MYO1D: variants seen among roughly 807,000 people sequenced by gnomAD.
The protein encoded by MYO1D is myosin ID, also known as unconventional myosin-Id.
In MYO1D, 83 loss-of-function variants were observed where a neutral mutation model predicts 122.0. That is an observed-to-expected ratio of 0.68 (90% CI 0.57 to 0.82). The LOEUF (loss-of-function observed/expected upper bound fraction) is 0.82, where lower values mean the gene tolerates loss of function less well. Among genes scored for constraint, MYO1D ranks in the 40% least tolerant of loss-of-function variants. MYO1D has a pLI of 0.00. For missense variants in MYO1D, 1,157 were observed against 1,269.5 expected (o/e 0.91, Z 1.35); for synonymous variants, 464 against 446.9 (o/e 1.04, Z -0.48).
intron 21 of MYO1D, among the ~76,000 whole-genome samples, chr17:32,513,816 T>C (rs1909784766): frequency 6.6e-6 from 1 of 151,904 alleles, no homozygotes; most frequent in Non-Finnish European, 1.5e-5. Context: ...CCCAAACGCC[T>C]TAAGATTTCT....
At chr17:32,731,757 G>T (rs1035026016) in intron 14 of MYO1D, among the ~76,000 whole-genome samples, 4 of 152,208 alleles carry the variant, frequency 2.6e-5, no homozygotes, top group Non-Finnish European at 5.9e-5. Flanking sequence ...CTTCCTGGGT[G>T]CAGCTGTGGC....
intron 15 of MYO1D, among the ~76,000 whole-genome samples, chr17:32,713,188 A>G (rs1047449693): frequency 6.6e-6 from 1 of 152,258 alleles, no homozygotes; most frequent in East Asian, 1.9e-4. Flanking sequence ...CATTTTTCAC[A>G]TTTAGATTTC....
chr17:32,551,293 G>GT (rs1170262477), intron 21 of MYO1D, among the ~76,000 whole-genome samples: 4 of 152,144 alleles, frequency 2.6e-5, no homozygotes, highest in Non-Finnish European at 4.4e-5. Context: ...CTGTTTGGAT[G>GT]TAACAGCCAG....
At chr17:32,665,067 C>T (rs1192946573) in intron 16 of MYO1D, among the ~76,000 whole-genome samples, 1 of 152,130 alleles carries the variant, frequency 6.6e-6, no homozygotes, top group Non-Finnish European at 1.5e-5. Context: ...CTAGTTGCTC[C>T]CTCTGCCTGG....
intron 21 of MYO1D, chr17:32,529,210 GTACTTC>G (rs1910437893): frequency 6.6e-6 from 1 of 152,244 alleles, no homozygotes; most frequent in Non-Finnish European, 1.5e-5. Context: ...TAACTAGCTT[GTACTTC>G]AACAGGGAGC....
intron 13 of MYO1D, among the ~76,000 whole-genome samples, chr17:32,738,940 A>G (rs905085860): frequency 2.6e-5 from 4 of 152,212 alleles, no homozygotes; most frequent in Non-Finnish European, 5.9e-5. Context: ...TGCAGTTCAA[A>G]TTGTGAACAA....
chr17:32,600,381 C>A (rs1208645001), intron 21 of MYO1D, among the ~76,000 whole-genome samples: 2 of 152,298 alleles, frequency 1.3e-5, no homozygotes, highest in Admixed American at 1.3e-4. Context: ...TAGGCATTGA[C>A]CTTCTCCTCT....
intron 20 of MYO1D, among the ~76,000 whole-genome samples, chr17:32,609,681 T>C (rs1354085592): frequency 1.3e-5 from 2 of 152,116 alleles, no homozygotes; most frequent in African/African-American, 4.8e-5. Context: ...AGAATATTTA[T>C]ATATTCTATA....
intron 17 of MYO1D, chr17:32,658,683 T>C (rs2150953151): frequency 6.1e-6 from 1 of 163,794 alleles, no homozygotes; most frequent in East Asian, 1.7e-4. Context: ...CAGGACTCTC[T>C]GGTGGTAGGA....
intron 20 of MYO1D, among the ~76,000 whole-genome samples, chr17:32,607,711 T>G (rs1392100938): frequency 6.6e-6 from 1 of 152,128 alleles, no homozygotes; most frequent in African/African-American, 2.4e-5. Context: ...CCATAACAGT[T>G]TTGTAAATGA....
At chr17:32,701,013 A>G (rs1368816822) in intron 16 of MYO1D, among the ~76,000 whole-genome samples, 5 of 151,894 alleles carry the variant, frequency 3.3e-5, no homozygotes, top group Non-Finnish European at 5.9e-5. Flanking sequence ...TGAGGAAAAA[A>G]TAATACAATA....
intron 20 of MYO1D, among the ~76,000 whole-genome samples, chr17:32,608,004 C>T (rs545899370): frequency 3.3e-5 from 5 of 152,072 alleles, no homozygotes; most frequent in South Asian, 2.1e-4. Context: ...ACTATAAGAT[C>T]GAAATGCAAA....
At chr17:32,673,798 G>T (rs2032753) in intron 16 of MYO1D, among the ~76,000 whole-genome samples, 57,851 of 152,096 alleles carry the variant, frequency 0.38, 12,614 homozygotes, top group East Asian at 0.53. Context: ...CTCATCGATA[G>T]TTCTTAATTG....
At chr17:32,558,080 G>A (rs1036357423) in intron 21 of MYO1D, among the ~76,000 whole-genome samples, 8 of 152,038 alleles carry the variant, frequency 5.3e-5, no homozygotes, top group Non-Finnish European at 1.2e-4. Context: ...GTCATCTTGG[G>A]GGTGGGCCAG....
At chr17:32,563,001 A>G (rs532715146) in intron 21 of MYO1D, among the ~76,000 whole-genome samples, 114 of 152,290 alleles carry the variant, frequency 7.5e-4, no homozygotes, top group Middle Eastern at 3.4e-3. Flanking sequence ...CAATATATCA[A>G]TGCAGAACCT....
At chr17:32,674,829 C>T (rs1264965793) in intron 16 of MYO1D, among the ~76,000 whole-genome samples, 1 of 152,126 alleles carries the variant, frequency 6.6e-6, no homozygotes, top group East Asian at 1.9e-4. Flanking sequence ...CATCAGTTTC[C>T]AGTGCTCACT....
chr17:32,822,327 G>C (rs920244237), intron 1 of MYO1D, among the ~76,000 whole-genome samples: 20 of 141,462 alleles, frequency 1.4e-4, no homozygotes, highest in African/African-American at 4.6e-4. Flanking sequence ...TGAACAATGA[G>C]AACACTTGGA....
Position 32,638,713 on chromosome 17 carries a change from A to T in MYO1D, c.2709+9T>A. ...AATCTTTATCCAGAGAGAAGCACAG[A>T]GGACTTACATTGTATAGAGGGATAG... On this transcript the variant is annotated intron_variant, in intron 20 of 21. Transcript: ENST00000318217. 6.4e-7 allele frequency: 1 copy of T among 1,572,006 alleles called. No homozygotes were observed. The highest frequency in any genetic ancestry group is 8.8e-7 in the Non-Finnish European group (1 of 1,142,384).
At chr17:32,553,144 T>C (rs917170329) in intron 21 of MYO1D, among the ~76,000 whole-genome samples, 4 of 149,976 alleles carry the variant, frequency 2.7e-5, no homozygotes, top group Non-Finnish European at 5.9e-5. Flanking sequence ...TCATAGGCTG[T>C]GTTGGGATAT....
Sources: allele counts gnomAD v4.1 joint callset (sites outside exome capture counted in the v4.1 genomes callset), GRCh38; gene constraint gnomAD v4.1.1; transcripts MANE v1.5; gene names NCBI Gene and HGNC (gene_info 2026-07-23, HGNC 2026-07-21).